The following CFAP210 variants were observed in gnomAD, a reference collection of about 807,000 sequenced individuals.
CFAP210 encodes the protein cilia and flagella associated protein 210.
At chr2:169,681,056 A>G in the CFAP210 span, 1 of 1,613,896 alleles carries the variant, frequency 6.2e-7, no homozygotes, top group South Asian at 1.1e-5. Context: ...TCGCAAATGC[A>G]TTTCTTTCTT....
the CFAP210 span, among the ~76,000 whole-genome samples, chr2:169,688,304 T>C: frequency 3.5e-4 from 54 of 152,260 alleles, no homozygotes; most frequent in Non-Finnish European, 6.0e-4. Context: ...AACTGGTTTT[T>C]CTTTTCTATT....
At chr2:169,686,021 T>C in the CFAP210 span, among the ~76,000 whole-genome samples, 1 of 152,188 alleles carries the variant, frequency 6.6e-6, no homozygotes, top group African/African-American at 2.4e-5. Context: ...TTTTTATTGT[T>C]TTTAGAAACA....
chr2:169,669,664 T>C, the CFAP210 span, among the ~76,000 whole-genome samples: 4 of 151,976 alleles, frequency 2.6e-5, no homozygotes, highest in Admixed American at 2.0e-4. Flanking sequence ...ATTAGGTTTC[T>C]GGTTTGAAAA....
At chr2:169,655,525 T>C in the CFAP210 span, among the ~76,000 whole-genome samples, 2 of 152,246 alleles carry the variant, frequency 1.3e-5, no homozygotes, top group Non-Finnish European at 2.9e-5. Context: ...TAAAAGTGTT[T>C]TGGATAATTC....
chr2:169,685,338 T>C, the CFAP210 span, among the ~76,000 whole-genome samples: 1 of 152,254 alleles, frequency 6.6e-6, no homozygotes, highest in East Asian at 1.9e-4. Flanking sequence ...GTAGTGTTGA[T>C]TTGTATTTCT....
chr2:169,671,034 A>C, the CFAP210 span, among the ~76,000 whole-genome samples: 1 of 152,230 alleles, frequency 6.6e-6, no homozygotes, highest in Non-Finnish European at 1.5e-5. Context: ...CTTTGTGATT[A>C]AAATAATTAA....
At chr2:169,657,389 C>T in the CFAP210 span, among the ~76,000 whole-genome samples, 1 of 151,976 alleles carries the variant, frequency 6.6e-6, no homozygotes, top group Non-Finnish European at 1.5e-5. Flanking sequence ...AAAGACAGGA[C>T]CCTAAAACCA....
chr2:169,650,468 T>C, the CFAP210 span: 42 of 1,601,554 alleles, frequency 2.6e-5, no homozygotes, highest in Non-Finnish European at 3.3e-5. Flanking sequence ...AAGTTTCTCT[T>C]TCAACAGTTC....
the CFAP210 span, chr2:169,645,777 C>T: frequency 3.1e-6 from 3 of 979,150 alleles, no homozygotes; most frequent in Non-Finnish European, 3.0e-6. Flanking sequence ...AACTGAAATC[C>T]ATTTATATTT....
the CFAP210 span, among the ~76,000 whole-genome samples, chr2:169,651,535 T>C: frequency 1.3e-5 from 2 of 151,902 alleles, no homozygotes; most frequent in African/African-American, 4.8e-5. Flanking sequence ...TTTTTATTTT[T>C]AGTAGAGAGG....
chr2:169,661,459 C>G, the CFAP210 span: 1 of 323,170 alleles, frequency 3.1e-6, no homozygotes, highest in Non-Finnish European at 6.0e-6. Flanking sequence ...GCTGCACAGA[C>G]AGCTCCTCAG....
At chr2:169,672,657 G>A in the CFAP210 span, among the ~76,000 whole-genome samples, 1 of 152,212 alleles carries the variant, frequency 6.6e-6, no homozygotes, top group South Asian at 2.1e-4. Context: ...AAGGAAGCCA[G>A]AAGGCTCAGC....
the CFAP210 span, among the ~76,000 whole-genome samples, chr2:169,650,954 C>T: frequency 1.3e-5 from 2 of 151,660 alleles, no homozygotes; most frequent in African/African-American, 4.8e-5. Flanking sequence ...TTAAGCTGGG[C>T]GTGGTGGCTC....
chr2:169,691,782 C>A, the CFAP210 span, among the ~76,000 whole-genome samples: 4 of 152,160 alleles, frequency 2.6e-5, no homozygotes, highest in African/African-American at 9.7e-5. Flanking sequence ...GTTTCTCATT[C>A]CTGCTGTTGT....
At chr2:169,694,227 A>G in the CFAP210 span, 3 of 1,611,272 alleles carry the variant, frequency 1.9e-6, no homozygotes, top group Non-Finnish European at 2.5e-6. Context: ...GTCCAGAAAC[A>G]ATCCCTGTCC....
chr2:169,661,321 A>C, the CFAP210 span: 1 of 479,042 alleles, frequency 2.1e-6, no homozygotes, highest in South Asian at 1.6e-5. Context: ...ATTAATTATA[A>C]ATTTCCTTTT....
At chr2:169,655,613 G>T in the CFAP210 span, among the ~76,000 whole-genome samples, 2 of 152,014 alleles carry the variant, frequency 1.3e-5, no homozygotes, top group Non-Finnish European at 2.9e-5. Context: ...AAAAAATACA[G>T]ATTTGATTAA....
chr2:169,648,388 A>G, the CFAP210 span, among the ~76,000 whole-genome samples: 1 of 152,112 alleles, frequency 6.6e-6, no homozygotes, highest in African/African-American at 2.4e-5. Context: ...GCCATGATCA[A>G]TGTGAATGTA....
the CFAP210 span, chr2:169,649,386 A>G: frequency 2.6e-6 from 4 of 1,557,046 alleles, no homozygotes; most frequent in Non-Finnish European, 3.5e-6. Flanking sequence ...AAAACCAGTT[A>G]TAGCAACCAG....
Sources: allele counts gnomAD v4.1 joint callset (sites outside exome capture counted in the v4.1 genomes callset), GRCh38; gene constraint gnomAD v4.1.1; transcripts MANE v1.5; gene names NCBI Gene and HGNC (gene_info 2026-07-23, HGNC 2026-07-21).